Variants in MTO1 observed in about 807,000 individuals in gnomAD.
MTO1 encodes mitochondrial tRNA translation optimization 1.
In MTO1, 46 loss-of-function variants were observed where a neutral mutation model predicts 71.6. The observed-to-expected ratio is 0.64, with a 90% CI of 0.51 to 0.82. The LOEUF (loss-of-function observed/expected upper bound fraction) is 0.82, where lower values mean the gene tolerates loss of function less well. Among genes scored for constraint, MTO1 ranks in the 40% least tolerant of loss-of-function variants. MTO1 has a pLI of 0.00. For synonymous variants in MTO1, 297 were observed against 312.1 expected (o/e 0.95, Z 0.51); for missense variants, 773 against 867.5 (o/e 0.89, Z 1.37).
At chr6:73,491,246 T>G (rs74396431) in intron 9 of MTO1, among the ~76,000 whole-genome samples, 1,652 of 138,736 alleles carry the variant, frequency 0.012, 23 homozygotes, top group African/African-American at 0.038. Context: ...AAAGTTGACA[T>G]GTAGATTATA....
chr6:73,501,097 G>C lies in MTO1; in HGVS notation c.*362G>C, dbSNP rs1237877682. Reference sequence around the variant, plus strand: ...ACCAAATTAAAAGTCTTATCATTCAGCGTGTTTTGAGAGTTAATAATCTTT... The same window carrying C: ...ACCAAATTAAAAGTCTTATCATTCACCGTGTTTTGAGAGTTAATAATCTTT... On this transcript the variant is annotated 3_prime_UTR_variant, in exon 12 of 12. Transcript: ENST00000498286. 2 of 159,222 alleles carry C rather than the reference G, an allele frequency of 1.3e-5. No individual in the cohort carries two copies. Among genetic ancestry groups the C allele is most frequent in the Admixed American group, 1.3e-4 (2 of 15,514 alleles). 9.9% of individuals were successfully genotyped at this position (159,222 alleles called of 1,614,324 possible).
At chr6:73,471,060 C>T (rs1261014311) in intron 3 of MTO1, among the ~76,000 whole-genome samples, 1 of 151,972 alleles carries the variant, frequency 6.6e-6, no homozygotes. Context: ...GTCTTTCTAC[C>T]TAGGCATATG....
chr6:73,480,649 A>AT (rs777067523), intron 6 of MTO1, 26 bp from the exon 7 acceptor site: 16 of 1,612,448 alleles, frequency 9.9e-6, no homozygotes, highest in Non-Finnish European at 1.4e-5. Flanking sequence ...GTATTTACTT[A>AT]TTTAATGTCT....
At position 73,473,788 on chromosome 6, in the gene MTO1, T is replaced by A. The variant is rs878966145; in HGVS notation, c.825+134T>A. On this transcript the variant is annotated intron_variant, in intron 4 of 11. Coordinates refer to ENST00000498286, the MANE Select transcript of MTO1 (RefSeq NM_012123.4). ...ATTGCTTATAGTGCAAAGAAATGAT[T>A]TTTTTTTTTTTTTTTTGAGATAAGG... 2.1e-4 allele frequency: 50 copies of A among 242,728 alleles called. No individual in the cohort carries two copies. The South Asian group carries it at 4.9e-3, about 24-fold the overall frequency. 15.0% of individuals were successfully genotyped at this position (242,728 alleles called of 1,614,324 possible).
intron 6 of MTO1, 184 bp downstream of exon 6, chr6:73,480,310 T>C (rs1257966934): frequency 2.6e-6 from 2 of 762,992 alleles, no homozygotes; most frequent in African/African-American, 1.7e-5. Context: ...TTTGCTCTTG[T>C]TGCCCAGGAT....
chr6:73,490,555 G>A (rs1771776759), intron 9 of MTO1, among the ~76,000 whole-genome samples: 1 of 152,048 alleles, frequency 6.6e-6, no homozygotes, highest in Non-Finnish European at 1.5e-5. Context: ...ACTGGTCTAT[G>A]TATCTGTCTT....
chr6:73,465,205 C>G (rs1458590388), intron 1 of MTO1, among the ~76,000 whole-genome samples: 2 of 151,394 alleles, frequency 1.3e-5, no homozygotes, highest in Non-Finnish European at 2.9e-5. Context: ...CTGTTGTCAC[C>G]CAGGGTGGAG....
chr6:73,485,541 T>C (rs1259045504), intron 9 of MTO1, among the ~76,000 whole-genome samples: 3 of 151,760 alleles, frequency 2.0e-5, no homozygotes, highest in Non-Finnish European at 4.4e-5. Context: ...TGGGTTCAAG[T>C]GATTCTCCTG....
rs1270246833 is a variant in MTO1 at position 73,504,846 on chromosome 6, A to T, written c.*4111A>T. The T allele has an allele frequency of 6.6e-6, 1 of 152,158 alleles. No individual in the cohort carries two copies. The highest frequency in any genetic ancestry group is 2.4e-5 in the African/African-American group (1 of 41,430). 9.4% of individuals were successfully genotyped at this position (152,158 alleles called of 1,614,324 possible). A position where few individuals can be genotyped will look rare whatever the true frequency, so the allele number is the denominator to read the frequency against. On this transcript the variant is annotated 3_prime_UTR_variant, in exon 12 of 12. Coordinates refer to ENST00000498286, the MANE Select transcript of MTO1 (RefSeq NM_012123.4). ...GGCTGCAGTGAGTTGATAGCATGCC[A>T]CCACACTCCAGCCTGGGCAACAGAG...
At position 73,462,186 on chromosome 6, in the gene MTO1, C is replaced by A. The variant is rs745911886; in HGVS notation, c.217+115C>A. On this transcript the variant is annotated intron_variant, in intron 1 of 11. Coordinates refer to ENST00000498286, the MANE Select transcript of MTO1 (RefSeq NM_012123.4). Reference sequence around the variant, plus strand: ...TTCCTCAAAGCTAGTGAGAATCCTACCTTCTGTGGTTTTAGCCTCGATCAG... The same window carrying A: ...TTCCTCAAAGCTAGTGAGAATCCTAACTTCTGTGGTTTTAGCCTCGATCAG... 2.4e-5 allele frequency: 28 copies of A among 1,178,578 alleles called. No individual in the cohort carries two copies. In the African/African-American group the frequency reaches 3.8e-4, roughly 16 times the overall value. 73.0% of individuals were successfully genotyped at this position (1,178,578 alleles called of 1,614,324 possible).
In MTO1 at chr6:73,466,308, A is replaced by G; in HGVS notation, c.317A>G (p.Gln106Arg). The G allele has an allele frequency of 6.2e-7, 1 of 1,614,172 alleles. No individual in the cohort carries two copies. The highest frequency in any genetic ancestry group is 8.5e-7 in the Non-Finnish European group (1 of 1,180,020). ...GGCCTGTGTTCTCGCATCTGTGACC[A>G]GTCTGGTGTACATTATAAAGTATTA... The part of the protein sequence containing the change: ...LDGLCSRICD[Q>R]SGVHYKVLNR... The change falls in exon 2 of 12, where the codon CAG becomes CGG. Residue 106 changes from glutamine to arginine, a missense_variant. Coordinates refer to ENST00000498286, the MANE Select transcript of MTO1 (RefSeq NM_012123.4).
At chr6:73,471,089 T>C (rs1415858490) in intron 3 of MTO1, among the ~76,000 whole-genome samples, 1 of 152,180 alleles carries the variant, frequency 6.6e-6, no homozygotes, top group Non-Finnish European at 1.5e-5. Context: ...TTCATGCATA[T>C]GTATATGTAT....
intron 10 of MTO1, among the ~76,000 whole-genome samples, chr6:73,493,305 A>AT (rs1344480458): frequency 1.4e-5 from 2 of 144,762 alleles, no homozygotes; most frequent in African/African-American, 5.1e-5. Context: ...AAAAATAAAT[A>AT]TTTTTTATAG....
intron 10 of MTO1, among the ~76,000 whole-genome samples, chr6:73,495,932 G>GT (rs1199799006): frequency 4.6e-5 from 7 of 152,130 alleles, no homozygotes; most frequent in African/African-American, 1.2e-4. Context: ...TGTTGTCCCA[G>GT]TTTTACAGAT....
chr6:73,497,799 C>G lies in MTO1; in HGVS notation c.1820C>G (p.Ala607Gly), dbSNP rs192086613. 1.2e-6 allele frequency: 2 copies of G among 1,613,896 alleles called. No individual in the cohort carries two copies. Among genetic ancestry groups the G allele is most frequent in the African/African-American group, 2.7e-5 (2 of 75,054 alleles). ...QEIKGVQQDE[A>G]LQLPKDLDYL... Reference sequence around the variant, plus strand: ...ATAAAGGGAGTTCAGCAAGATGAAGCTCTCCAACTGCCAAAAGACCTAGAT... The same window carrying G: ...ATAAAGGGAGTTCAGCAAGATGAAGGTCTCCAACTGCCAAAAGACCTAGAT... The change falls in exon 11 of 12, where the codon GCT becomes GGT. Residue 607 changes from alanine to glycine, a missense_variant. By Grantham distance (60) the Ala-to-Gly change is moderately conservative (BLOSUM62 0). Coordinates refer to ENST00000498286, the MANE Select transcript of MTO1 (RefSeq NM_012123.4).
At chr6:73,488,188 T>C (rs1356541194) in intron 9 of MTO1, among the ~76,000 whole-genome samples, 3 of 152,252 alleles carry the variant, frequency 2.0e-5, no homozygotes, top group South Asian at 4.1e-4. Flanking sequence ...AGGTTTTTTT[T>C]CCAGAGACAG....
intron 4 of MTO1, among the ~76,000 whole-genome samples, chr6:73,476,210 A>T (rs1771313421): frequency 6.6e-6 from 1 of 151,532 alleles, no homozygotes; most frequent in South Asian, 2.1e-4. Flanking sequence ...TAAAAATAAA[A>T]AAAAAATAAA....
At chr6:73,478,789 A>G (rs9293931) in intron 4 of MTO1, among the ~76,000 whole-genome samples, 138,097 of 152,104 alleles carry the variant, frequency 0.91, 62,789 homozygotes, top group East Asian at 0.95. Context: ...TGATCCACAC[A>G]CCTTGGCCTC....
chr6:73,462,157 T>C, intron 1 of MTO1, 86 bp downstream of exon 1: 1 of 1,406,618 alleles, frequency 7.1e-7, no homozygotes, highest in Non-Finnish European at 9.9e-7. Context: ...GGGGACCTCT[T>C]CCTTTCCTCA....
Sources: gnomAD v4.1 joint callset for allele counts (sites outside exome capture counted in the v4.1 genomes callset) on GRCh38, gnomAD v4.1.1 for gene constraint, MANE v1.5 for transcripts, NCBI Gene and HGNC (gene_info 2026-07-23, HGNC 2026-07-21) for gene names.